The following EDDM13 variants were observed in gnomAD, a reference collection of about 807,000 sequenced individuals.
The protein encoded by EDDM13 is epididymal protein 13.
A neutral mutation model predicts 17.8 loss-of-function variants in EDDM13; 24 were observed. The ratio of observed to expected loss-of-function variants is 1.35; its 90% confidence interval spans 0.98 to 1.90. The LOEUF (loss-of-function observed/expected upper bound fraction) is 1.90. Ranked by LOEUF, EDDM13 falls within the 40% of genes most tolerant of loss-of-function variation. The pLI is 0.00. For synonymous variants in EDDM13, 31 were observed against 37.5 expected, an observed-to-expected ratio of 0.83 and a Z score of 0.63; for missense variants, 97 against 100.8, an observed-to-expected ratio of 0.96 and a Z score of 0.16.
Position 56,285,000 on chromosome 19 carries a change from C to T in EDDM13, c.130C>T (p.Leu44Phe). 1.0e-6 allele frequency: 1 copy of T among 985,290 alleles called. No individual in the cohort carries two copies. Among genetic ancestry groups the T allele is most frequent in the Non-Finnish European group, 1.2e-6 (1 of 829,796 alleles). 61.0% of individuals were successfully genotyped at this position (985,290 alleles called of 1,614,324 possible). Residue 44 changes from leucine to phenylalanine, a missense_variant and splice_region_variant, in exon 6 of 15, where the codon CTC becomes TTC. Leu to Phe is a conservative substitution (Grantham distance 22). Coordinates refer to ENST00000649256, the MANE Select transcript of EDDM13 (RefSeq NM_001354658.2). ...KINLLKGIIGLMSRLSPDGLR... is the reference protein window; with the variant it reads ...KINLLKGIIGFMSRLSPDGLR... ...ATGTGTTATGTCTTCTTCCTCAGGT[C>T]TCATGAGCAGACTGTCACCGGATGG...
At chr19:56,308,169 G>A (rs1280813978) in intron 14 of EDDM13, among the ~76,000 whole-genome samples, 2 of 152,216 alleles carry the variant, frequency 1.3e-5, no homozygotes, top group Non-Finnish European at 2.9e-5. Flanking sequence ...AAGTAGCTGG[G>A]ACTACAGGCG....
intron 2 of EDDM13, among the ~76,000 whole-genome samples, chr19:56,281,163 C>G (rs1313322147): frequency 6.6e-6 from 1 of 152,078 alleles, no homozygotes; most frequent in Non-Finnish European, 1.5e-5. Context: ...GTTTACTCTT[C>G]ATTAAGTGGA....
chr19:56,290,714 A>G (rs2039451928), intron 8 of EDDM13, among the ~76,000 whole-genome samples, 127 bp from the exon 9 acceptor site: 1 of 152,098 alleles, frequency 6.6e-6, no homozygotes, highest in Non-Finnish European at 1.5e-5. Flanking sequence ...AAATACATAA[A>G]CAGTTTAAAA....
intron 3 of EDDM13, 79 bp from the exon 4 acceptor site, chr19:56,282,412 C>A: frequency 1.2e-6 from 1 of 860,722 alleles, no homozygotes; most frequent in Non-Finnish European, 1.4e-6. Context: ...CTTTCATATT[C>A]TCTCTGAACC....
At chr19:56,303,108 G>A (rs2040454851) in intron 13 of EDDM13, 1 of 381,974 alleles carries the variant, frequency 2.6e-6, no homozygotes, top group East Asian at 3.7e-5. Context: ...GCCAATTGAG[G>A]AGGGGAAGCA....
At chr19:56,297,412 C>G (rs147020713) in intron 11 of EDDM13, 93 bp from the exon 12 acceptor site, 158 of 283,452 alleles carry the variant, frequency 5.6e-4, no homozygotes, top group African/African-American at 3.6e-3. Flanking sequence ...CTTTCCTCTT[C>G]CTCTTCCTCC....
Position 56,273,262 on chromosome 19 carries a change from G to A in EDDM13, c.85+343G>A, listed in dbSNP as rs1321105146. ...TGTTGCATGTCATTGACGAGCTTAC[G>A]TTGTGCAGTGCCTGGAAGTCAACAT... On this transcript the variant is annotated intron_variant, in intron 1 of 14. Coordinates refer to ENST00000649256, the MANE Select transcript of EDDM13 (RefSeq NM_001354658.2). 6.6e-5 allele frequency among the ~76,000 whole-genome samples: 10 copies of A among 152,278 alleles called. No individual in the cohort carries two copies. The East Asian group carries it at 1.5e-3, about 23-fold the overall frequency.
At chr19:56,289,716 C>T (rs530404386) in intron 8 of EDDM13, among the ~76,000 whole-genome samples, 2 of 152,268 alleles carry the variant, frequency 1.3e-5, no homozygotes, top group Non-Finnish European at 2.9e-5. Context: ...CAGGCTCAAG[C>T]AATCCTCCTG....
At chr19:56,308,201 G>C (rs2040822161) in intron 14 of EDDM13, among the ~76,000 whole-genome samples, 1 of 151,076 alleles carries the variant, frequency 6.6e-6, no homozygotes, top group African/African-American at 2.4e-5. Context: ...GCCCAGCTAA[G>C]TTTTGTACTT....
intron 9 of EDDM13, among the ~76,000 whole-genome samples, chr19:56,291,199 G>A (rs2039486355): frequency 6.6e-6 from 1 of 152,220 alleles, no homozygotes; most frequent in Admixed American, 6.5e-5. Context: ...CCATTGAGAA[G>A]AGAACCAAAG....
chr19:56,292,043 G>A (rs2039544406), intron 9 of EDDM13, among the ~76,000 whole-genome samples: 1 of 152,130 alleles, frequency 6.6e-6, no homozygotes, highest in African/African-American at 2.4e-5. Context: ...TCAAGACTGG[G>A]CATCCCAGTG....
chr19:56,287,923 A>G (rs1407642227), intron 6 of EDDM13, among the ~76,000 whole-genome samples: 3 of 152,234 alleles, frequency 2.0e-5, no homozygotes, highest in African/African-American at 7.2e-5. Context: ...GTCCCAGGAC[A>G]CTTCCAGTGT....
intron 3 of EDDM13, 73 bp from the exon 4 acceptor site, chr19:56,282,418 G>C (rs2038781545): frequency 8.8e-6 from 8 of 910,846 alleles, no homozygotes; most frequent in Non-Finnish European, 1.0e-5. Context: ...TATTCTCTCT[G>C]AACCTTCATT....
chr19:56,287,041 G>A (rs989451068), intron 6 of EDDM13, among the ~76,000 whole-genome samples: 72 of 152,356 alleles, frequency 4.7e-4, no homozygotes, highest in African/African-American at 1.7e-3. Flanking sequence ...GGGAGCTGGT[G>A]AAAGTGGATT....
chr19:56,296,579 A>T (rs531555968), intron 11 of EDDM13, among the ~76,000 whole-genome samples: 4 of 152,350 alleles, frequency 2.6e-5, no homozygotes, highest in African/African-American at 9.6e-5. Flanking sequence ...TAGGTGTTAG[A>T]GATGCAGCAG....
chr19:56,275,938 GC>G, intron 1 of EDDM13, among the ~76,000 whole-genome samples, 153 bp from the exon 2 acceptor site: 1 of 152,330 alleles, frequency 6.6e-6, no homozygotes, highest in South Asian at 2.1e-4. Context: ...GGCCCGAGTA[GC>G]TTTATTGATA....
At chr19:56,290,717 G>C (rs2039452425) in intron 8 of EDDM13, among the ~76,000 whole-genome samples, 124 bp from the exon 9 acceptor site, 1 of 152,140 alleles carries the variant, frequency 6.6e-6, no homozygotes, top group Non-Finnish European at 1.5e-5. Flanking sequence ...TACATAAACA[G>C]TTTAAAATAG....
intron 4 of EDDM13, 113 bp from the exon 5 acceptor site, chr19:56,284,085 G>C (rs777065304): frequency 1.2e-6 from 1 of 809,054 alleles, no homozygotes. Context: ...ATCTGACCTC[G>C]TTTTTGGTTT....
At chr19:56,273,231 T>C (rs2037985522) in intron 1 of EDDM13, among the ~76,000 whole-genome samples, 1 of 152,218 alleles carries the variant, frequency 6.6e-6, no homozygotes, top group African/African-American at 2.4e-5. Context: ...CCCCAGTTCA[T>C]GGGACTGTTG....
Sources: allele counts gnomAD v4.1 joint callset (sites outside exome capture counted in the v4.1 genomes callset), GRCh38; gene constraint gnomAD v4.1.1; transcripts MANE v1.5; gene names NCBI Gene and HGNC (gene_info 2026-07-23, HGNC 2026-07-21).